SIPA1L1: variants seen among roughly 807,000 people sequenced by gnomAD.
SIPA1L1 encodes the protein signal-induced proliferation-associated 1-like protein 1.
In SIPA1L1, 26 loss-of-function variants were observed where a neutral mutation model predicts 162.7. The ratio of observed to expected loss-of-function variants is 0.16; its 90% CI spans 0.12 to 0.22. The LOEUF (loss-of-function observed/expected upper bound fraction) is 0.22. Among genes scored for constraint, SIPA1L1 ranks in the 10% least tolerant of loss-of-function variants. SIPA1L1 has a pLI of 1.00. For missense variants in SIPA1L1, 1,874 were observed against 2,241.0 expected, an observed-to-expected ratio of 0.84 and a Z score of 3.31; for synonymous variants, 829 against 837.4, an observed-to-expected ratio of 0.99 and a Z score of 0.17.
At chr14:71,415,721 G>A (rs1190429714) in intron 2 of SIPA1L1, among the ~76,000 whole-genome samples, 1 of 149,734 alleles carries the variant, frequency 6.7e-6, no homozygotes, top group Middle Eastern at 3.5e-3. Flanking sequence ...TTTTTGAGAT[G>A]GGATCTCACT....
intron 17 of SIPA1L1, among the ~76,000 whole-genome samples, chr14:71,713,523 A>T (rs189628141): frequency 6.6e-6 from 1 of 152,372 alleles, no homozygotes; most frequent in African/African-American, 2.4e-5. Flanking sequence ...AGTGTCTGAC[A>T]TTATCACTGG....
chr14:71,679,620 A>G (rs183008969), intron 12 of SIPA1L1, among the ~76,000 whole-genome samples: 82 of 152,352 alleles, frequency 5.4e-4, no homozygotes, highest in African/African-American at 1.9e-3. Context: ...AAATGCTCCA[A>G]TTAAAAGACA....
At chr14:71,372,100 G>T (rs2038944431) in intron 2 of SIPA1L1, among the ~76,000 whole-genome samples, 1 of 152,120 alleles carries the variant, frequency 6.6e-6, no homozygotes, top group Non-Finnish European at 1.5e-5. Context: ...TCTCGTTCAT[G>T]GTTTTAATTT....
At chr14:71,629,078 C>T (rs914967334) in intron 7 of SIPA1L1, among the ~76,000 whole-genome samples, 4 of 152,136 alleles carry the variant, frequency 2.6e-5, no homozygotes, top group African/African-American at 4.8e-5. Flanking sequence ...GCTGGGACTA[C>T]AGGCACCCGC....
chr14:71,516,232 T>G (rs1197454982), intron 3 of SIPA1L1, among the ~76,000 whole-genome samples: 1 of 152,148 alleles, frequency 6.6e-6, no homozygotes, highest in Non-Finnish European at 1.5e-5. Flanking sequence ...TAAAATCCAG[T>G]TATATTGATT....
chr14:71,411,497 G>C (rs2042400490), intron 2 of SIPA1L1, among the ~76,000 whole-genome samples: 1 of 152,152 alleles, frequency 6.6e-6, no homozygotes, highest in African/African-American at 2.4e-5. Context: ...TCTTCTCTCT[G>C]TAGTGGAGGT....
intron 12 of SIPA1L1, among the ~76,000 whole-genome samples, chr14:71,681,007 T>C (rs1224893011): frequency 6.6e-6 from 1 of 152,182 alleles, no homozygotes; most frequent in Non-Finnish European, 1.5e-5. Context: ...CTTCATATCA[T>C]TTAAAGGGAA....
intron 2 of SIPA1L1, among the ~76,000 whole-genome samples, chr14:71,446,892 C>CTTTTTT (rs2045390917): frequency 2.0e-5 from 2 of 99,602 alleles, no homozygotes; most frequent in African/African-American, 8.0e-5. Flanking sequence ...GAGATGGGCT[C>CTTTTTT]TGTTTTTTTT....
chr14:71,601,173 A>G (rs1023425843), intron 5 of SIPA1L1, among the ~76,000 whole-genome samples: 1 of 152,040 alleles, frequency 6.6e-6, no homozygotes, highest in African/African-American at 2.4e-5. Flanking sequence ...TCTTGTTCCA[A>G]TTCTTAGAGG....
At chr14:71,469,813 T>C (rs1567066174) in intron 2 of SIPA1L1, among the ~76,000 whole-genome samples, 1 of 152,194 alleles carries the variant, frequency 6.6e-6, no homozygotes, top group Non-Finnish European at 1.5e-5. Context: ...TATTAGTTGT[T>C]TCCAATAAAA....
intron 9 of SIPA1L1, among the ~76,000 whole-genome samples, chr14:71,659,336 T>G (rs1596715148): frequency 6.6e-6 from 1 of 152,314 alleles, no homozygotes; most frequent in Middle Eastern, 3.4e-3. Flanking sequence ...CAAACACTGA[T>G]CTAATCTAAC....
intron 2 of SIPA1L1, among the ~76,000 whole-genome samples, chr14:71,410,873 A>G (rs539833074): frequency 1.1e-4 from 16 of 152,198 alleles, no homozygotes; most frequent in Non-Finnish European, 2.2e-4. Context: ...CCTTTGGTAC[A>G]GAAAACCATA....
At chr14:71,733,638 G>A in intron 20 of SIPA1L1, 28 bp from the exon 21 acceptor site, 2 of 1,609,114 alleles carry the variant, frequency 1.2e-6, no homozygotes, top group Non-Finnish European at 1.7e-6. Flanking sequence ...GGCACAAGAA[G>A]CATCTCATTC....
chr14:71,571,059 T>C (rs1244078318), intron 4 of SIPA1L1, among the ~76,000 whole-genome samples: 4 of 152,182 alleles, frequency 2.6e-5, no homozygotes, highest in Non-Finnish European at 5.9e-5. Context: ...CCTTCCAAAG[T>C]GCTGGGATTA....
intron 7 of SIPA1L1, among the ~76,000 whole-genome samples, chr14:71,630,323 G>A (rs1055950296): frequency 3.3e-5 from 5 of 152,168 alleles, no homozygotes; most frequent in East Asian, 1.9e-4. Context: ...CTGGCCTATC[G>A]CTGTTCTTTT....
intron 2 of SIPA1L1, among the ~76,000 whole-genome samples, chr14:71,353,004 G>A (rs1198388917): frequency 2.0e-5 from 3 of 152,130 alleles, no homozygotes; most frequent in Non-Finnish European, 4.4e-5. Flanking sequence ...TATTTTCATT[G>A]TGTTGTGGTT....
chr14:71,364,360 C>G (rs2038086384), intron 2 of SIPA1L1, among the ~76,000 whole-genome samples: 1 of 152,116 alleles, frequency 6.6e-6, no homozygotes, highest in South Asian at 2.1e-4. Flanking sequence ...CAAATGTTCC[C>G]CTCCCCAACC....
chr14:71,664,720 T>C (rs1440666933), intron 10 of SIPA1L1, among the ~76,000 whole-genome samples: 1 of 152,222 alleles, frequency 6.6e-6, no homozygotes, highest in African/African-American at 2.4e-5. Context: ...CCCAACTTTC[T>C]CCACCATGAA....
At chr14:71,392,747 A>G (rs1210981022) in intron 2 of SIPA1L1, among the ~76,000 whole-genome samples, 1 of 151,866 alleles carries the variant, frequency 6.6e-6, no homozygotes, top group Non-Finnish European at 1.5e-5. Context: ...GTTAGCCAGG[A>G]TGGTCTCAAT....
Sources: gnomAD v4.1 joint callset for allele counts (sites outside exome capture counted in the v4.1 genomes callset) on GRCh38, gnomAD v4.1.1 for gene constraint, MANE v1.5 for transcripts, NCBI Gene and HGNC (gene_info 2026-07-23, HGNC 2026-07-21) for gene names.